The following INSL6 variants were observed in gnomAD, a reference collection of about 807,000 sequenced individuals.
INSL6 encodes the protein insulin like 6, also known as insulin-like peptide INSL6.
INSL6 carries 16 observed loss-of-function variants against 9.4 expected under a neutral mutation model. The ratio of observed to expected loss-of-function variants is 1.70; its 90% CI spans 1.15 to 2.59. The LOEUF is 2.59. Ranked by LOEUF, INSL6 falls within the 30% of genes most tolerant of loss-of-function variation. The pLI is 0.00. For missense variants in INSL6, 391 were observed against 257.3 expected, an observed-to-expected ratio of 1.52 and a Z score of -3.56; for synonymous variants, 154 against 96.9, an observed-to-expected ratio of 1.59 and a Z score of -3.46.
the INSL6 span, chr9:5,114,758 G>T: frequency 7.8e-5 from 26 of 331,744 alleles, no homozygotes; most frequent in Admixed American, 1.0e-3. Flanking sequence ...ATGAGACAGC[G>T]ACTGGCTCAC....
At chr9:5,104,072 C>T in the INSL6 span, among the ~76,000 whole-genome samples, 1 of 152,170 alleles carries the variant, frequency 6.6e-6, no homozygotes, top group South Asian at 2.1e-4. Context: ...AAGATCAGAG[C>T]AGAACTGAAG....
the INSL6 span, chr9:5,041,651 C>G: frequency 2.0e-6 from 1 of 508,016 alleles, no homozygotes; most frequent in Non-Finnish European, 4.0e-6. Flanking sequence ...TCGACTACGA[C>G]TACCTGCGGA....
intron 3 of INSL6, chr9:5,128,080 T>TTGTGTGTGTGTGTGTGTGTG (rs139964957): frequency 9.3e-6 from 2 of 215,658 alleles, no homozygotes; most frequent in African/African-American, 4.7e-5. Flanking sequence ...ATGGTGGGTT[T>TTGTGTGTGTGTGTGTGTGTG]TGTGTGTGTG....
At chr9:5,101,916 A>C in the INSL6 span, among the ~76,000 whole-genome samples, 3 of 152,250 alleles carry the variant, frequency 2.0e-5, no homozygotes, top group Non-Finnish European at 2.9e-5. Flanking sequence ...ACCAAAGACC[A>C]AAAGTAGATA....
At chr9:5,023,533 G>C in the INSL6 span, among the ~76,000 whole-genome samples, 1 of 152,150 alleles carries the variant, frequency 6.6e-6, no homozygotes, top group African/African-American at 2.4e-5. Context: ...TGTCCTGCAA[G>C]GGGCTAGGGT....
At chr9:5,095,943 A>T in the INSL6 span, among the ~76,000 whole-genome samples, 1 of 152,202 alleles carries the variant, frequency 6.6e-6, no homozygotes, top group Admixed American at 6.5e-5. Flanking sequence ...TAACATGATT[A>T]ACACCTATAG....
At chr9:5,080,687 T>C in the INSL6 span, 1 of 1,545,540 alleles carries the variant, frequency 6.5e-7, no homozygotes, top group Non-Finnish European at 8.7e-7. Flanking sequence ...ACTCCAGGTA[T>C]GTATTTGAAT....
chr9:5,070,098 C>A, the INSL6 span: 2 of 1,386,412 alleles, frequency 1.4e-6, no homozygotes, highest in Non-Finnish European at 1.0e-6. Context: ...CCTTTTAAAA[C>A]AACATCTGTT....
At chr9:5,136,321 A>G (rs979432498) in intron 2 of INSL6, among the ~76,000 whole-genome samples, 1 of 152,174 alleles carries the variant, frequency 6.6e-6, no homozygotes, top group Non-Finnish European at 1.5e-5. Context: ...CAACAAAAAA[A>G]GAGAATTTTA....
the INSL6 span, among the ~76,000 whole-genome samples, chr9:5,039,001 C>T: frequency 1.3e-5 from 2 of 152,060 alleles, no homozygotes; most frequent in African/African-American, 4.8e-5. Flanking sequence ...TGGCAAGGAA[C>T]TTCCTCAATT....
chr9:5,126,407 T>C lies in INSL6; in HGVS notation c.*11-1896A>G, dbSNP rs140219534. 1.3e-4 allele frequency: 210 copies of C among 1,610,894 alleles called. No individual in the cohort carries two copies. In the East Asian group the frequency reaches 3.8e-3, roughly 29 times the overall value. ...TCCATTTGATAGAACTTTTGAAGAA[T>C]AATGGAAGATTACCAAGACCAGATG... is the stretch of plus-strand genomic sequence containing the variant. On this transcript the variant is annotated intron_variant, in intron 3 of 3. Transcript: ENST00000649639.
the INSL6 span, among the ~76,000 whole-genome samples, chr9:5,002,628 A>G: frequency 6.6e-6 from 1 of 151,920 alleles, no homozygotes; most frequent in South Asian, 2.1e-4. Flanking sequence ...GTGTTCTGTA[A>G]ATGTCAGTTA....
At chr9:5,087,066 T>C in the INSL6 span, among the ~76,000 whole-genome samples, 34 of 152,350 alleles carry the variant, frequency 2.2e-4, no homozygotes, top group Middle Eastern at 6.8e-3. Flanking sequence ...TTTATTGTTT[T>C]CATTGAAAAT....
At chr9:4,994,046 C>T in the INSL6 span, among the ~76,000 whole-genome samples, 26 of 152,128 alleles carry the variant, frequency 1.7e-4, no homozygotes, top group African/African-American at 6.3e-4. Context: ...TCTAGCCACT[C>T]GTGACTGAAC....
At chr9:5,081,903 A>G in the INSL6 span, 10 of 1,518,664 alleles carry the variant, frequency 6.6e-6, no homozygotes, top group African/African-American at 1.4e-5. Context: ...TAATCATTTC[A>G]TTTAGGAAAA....
the INSL6 span, among the ~76,000 whole-genome samples, chr9:5,056,444 A>G: frequency 2.8e-4 from 43 of 152,070 alleles, 1 homozygote; most frequent in East Asian, 5.8e-3. Context: ...TTATTTGTCT[A>G]TTTATCTTAA....
At chr9:5,169,885 G>A (rs557355080) in intron 1 of INSL6, among the ~76,000 whole-genome samples, 27 of 152,206 alleles carry the variant, frequency 1.8e-4, no homozygotes, top group Non-Finnish European at 2.9e-4. Context: ...AGAGACCTAC[G>A]AAGAGACTTA....
At chr9:5,112,424 G>A in the INSL6 span, 8 of 496,790 alleles carry the variant, frequency 1.6e-5, no homozygotes, top group East Asian at 3.9e-5. Flanking sequence ...ACACGTCGGC[G>A]GCTGACCACT....
At chr9:5,162,797 T>A (rs567804684), downstream of INSL6, among the ~76,000 whole-genome samples, 1 of 152,084 alleles carries the variant, frequency 6.6e-6, no homozygotes, top group Non-Finnish European at 1.5e-5. Flanking sequence ...CAAAGCCAAA[T>A]AGAAATAAAA....
Sources: allele counts gnomAD v4.1 joint callset (sites outside exome capture counted in the v4.1 genomes callset), GRCh38; gene constraint gnomAD v4.1.1; transcripts MANE v1.5; gene names NCBI Gene and HGNC (gene_info 2026-07-23, HGNC 2026-07-21).